The following EXOC6 variants were observed in gnomAD, a reference collection of about 807,000 sequenced individuals.
The protein encoded by EXOC6 is SEC15-like 1.
A neutral mutation model predicts 112.5 loss-of-function variants in EXOC6; 60 were observed. The observed-to-expected ratio is 0.53, with a 90% CI of 0.43 to 0.66. EXOC6 has a LOEUF of 0.66. Among genes scored for constraint, EXOC6 ranks in the 30% least tolerant of loss-of-function variants. The pLI, the probability that EXOC6 is intolerant of heterozygous loss-of-function variation, is 0.00. For synonymous variants in EXOC6, 295 were observed against 308.0 expected, an observed-to-expected ratio of 0.96 and a Z score of 0.44; for missense variants, 855 against 957.1, an observed-to-expected ratio of 0.89 and a Z score of 1.41.
intron 1 of EXOC6, among the ~76,000 whole-genome samples, chr10:92,884,447 C>G (rs1188023851): frequency 6.6e-6 from 1 of 152,296 alleles, no homozygotes; most frequent in East Asian, 1.9e-4. Flanking sequence ...GGTACTTTCT[C>G]AAATTATACA....
In EXOC6 at chr10:92,961,198, C is replaced by T. The variant is rs531492984; in HGVS notation, c.1773+5484C>T. Among the ~76,000 whole-genome samples the T allele has an allele frequency of 1.6e-4, 25 of 152,198 alleles. No homozygotes were observed. In the South Asian group the frequency reaches 4.6e-3, roughly 28 times the overall value. On this transcript the variant is annotated intron_variant, in intron 17 of 21. Coordinates refer to ENST00000260762, the MANE Select transcript of EXOC6 (RefSeq NM_019053.6). The stretch of plus-strand genomic sequence containing the variant: ...CTTTGTGAAGGTACTTGCAAAATTA[C>T]GCCTTGACTGATTAATTGCATGTCA...
chr10:93,024,196 GAGA>G (rs1349484549), intron 20 of EXOC6, among the ~76,000 whole-genome samples: 1 of 152,118 alleles, frequency 6.6e-6, no homozygotes, highest in Non-Finnish European at 1.5e-5. Context: ...AGAAAATATG[GAGA>G]AGTTTAGGTA....
At chr10:92,958,299 C>T (rs1259776365) in intron 17 of EXOC6, among the ~76,000 whole-genome samples, 4 of 152,156 alleles carry the variant, frequency 2.6e-5, no homozygotes, top group South Asian at 2.1e-4. Flanking sequence ...AAATACCATT[C>T]CCTTTCTAAC....
intron 9 of EXOC6, among the ~76,000 whole-genome samples, chr10:92,929,881 G>T (rs529923790): frequency 8.5e-5 from 13 of 152,298 alleles, no homozygotes; most frequent in African/African-American, 3.1e-4. Context: ...TCAGAAAGAG[G>T]ATAGAGCAAA....
At chr10:92,884,512 G>T (rs745410264) in intron 1 of EXOC6, among the ~76,000 whole-genome samples, 3 of 152,148 alleles carry the variant, frequency 2.0e-5, no homozygotes, top group Admixed American at 6.5e-5. Context: ...ACCAGTATAT[G>T]TATTCTGTTA....
chr10:92,995,221 G>A (rs1295337975), intron 18 of EXOC6, among the ~76,000 whole-genome samples: 1 of 151,994 alleles, frequency 6.6e-6, no homozygotes, highest in Non-Finnish European at 1.5e-5. Context: ...GTATGTATGT[G>A]TGCATGTGTG....
intron 9 of EXOC6, among the ~76,000 whole-genome samples, chr10:92,930,257 C>G (rs1170444645): frequency 6.6e-6 from 1 of 152,052 alleles, no homozygotes; most frequent in African/African-American, 2.4e-5. Flanking sequence ...AATCCCAGCG[C>G]TTTGGGAGGC....
intron 20 of EXOC6, among the ~76,000 whole-genome samples, chr10:93,025,637 T>C (rs1228054556): frequency 2.0e-5 from 3 of 152,202 alleles, no homozygotes; most frequent in Non-Finnish European, 2.9e-5. Context: ...TTGGGCAAAC[T>C]AGAGAAAAGA....
chr10:92,829,614 T>C (rs1846441261), intron 1 of EXOC6, among the ~76,000 whole-genome samples: 1 of 152,162 alleles, frequency 6.6e-6, no homozygotes, highest in Non-Finnish European at 1.5e-5. Flanking sequence ...ATGAAACACA[T>C]GAACATGTCA....
At chr10:93,019,321 ATTCT>A (rs776600196) in intron 20 of EXOC6, among the ~76,000 whole-genome samples, 14 of 152,214 alleles carry the variant, frequency 9.2e-5, no homozygotes, top group Non-Finnish European at 1.8e-4. Context: ...AACATTGCTG[ATTCT>A]TTCTATGTTT....
chr10:92,836,094 A>T (rs1381420683), intron 1 of EXOC6, among the ~76,000 whole-genome samples: 1 of 152,190 alleles, frequency 6.6e-6, no homozygotes, highest in East Asian at 1.9e-4. Flanking sequence ...GCTAAGTCTA[A>T]GTGGAAACAA....
At chr10:92,974,777 G>A (rs1466031456) in intron 18 of EXOC6, among the ~76,000 whole-genome samples, 5 of 152,152 alleles carry the variant, frequency 3.3e-5, no homozygotes, top group African/African-American at 9.7e-5. Context: ...TGTGTTGGCC[G>A]GGCTGGTCTC....
chr10:92,896,083 GTATA>G (rs200260390), intron 4 of EXOC6, among the ~76,000 whole-genome samples: 2 of 92,462 alleles, frequency 2.2e-5, no homozygotes, highest in East Asian at 3.5e-4. Flanking sequence ...ATATATATGT[GTATA>G]TATATATGTG....
intron 4 of EXOC6, among the ~76,000 whole-genome samples, 187 bp from the exon 5 acceptor site, chr10:92,899,412 A>G (rs1850031440): frequency 1.3e-5 from 2 of 152,164 alleles, no homozygotes; most frequent in Non-Finnish European, 1.5e-5. Flanking sequence ...AATGTTCAGT[A>G]TATAAGGAAA....
At chr10:92,924,519 A>T (rs1851603983) in intron 8 of EXOC6, among the ~76,000 whole-genome samples, 2 of 152,184 alleles carry the variant, frequency 1.3e-5, no homozygotes, top group Admixed American at 1.3e-4. Flanking sequence ...TTTCTACTTC[A>T]TATTTAAAGT....
intron 18 of EXOC6, among the ~76,000 whole-genome samples, chr10:92,990,466 C>T (rs1386234266): frequency 6.6e-6 from 1 of 152,144 alleles, no homozygotes; most frequent in Non-Finnish European, 1.5e-5. Flanking sequence ...AAGGAAACAA[C>T]ACGAGAGTTT....
intron 20 of EXOC6, among the ~76,000 whole-genome samples, chr10:93,015,285 C>T (rs1457182352): frequency 1.3e-5 from 2 of 152,182 alleles, no homozygotes; most frequent in Non-Finnish European, 2.9e-5. Context: ...ATAGATAATT[C>T]CAACCCACTG....
At chr10:92,852,759 T>G (rs1469070242) in intron 1 of EXOC6, among the ~76,000 whole-genome samples, 3 of 152,112 alleles carry the variant, frequency 2.0e-5, no homozygotes, top group Non-Finnish European at 4.4e-5. Flanking sequence ...GTAATGGAAA[T>G]TCCTCAGCTT....
At position 92,875,690 on chromosome 10, in the gene EXOC6, A is replaced by G. The variant is rs574202787; in HGVS notation, c.102-17659A>G. 2.0e-4 allele frequency among the ~76,000 whole-genome samples: 31 copies of G among 152,256 alleles called. 1 individual carries two copies. In the South Asian group the frequency reaches 6.4e-3, roughly 31 times the overall value. On this transcript the variant is annotated intron_variant, in intron 1 of 21. Transcript: ENST00000260762. ...GCAGAAAAAAATCACTTTTATTCCC[A>G]CTAAAGGATAATCATTGTTGACATT...
Sources: gnomAD v4.1 joint callset for allele counts (sites outside exome capture counted in the v4.1 genomes callset) on GRCh38, gnomAD v4.1.1 for gene constraint, MANE v1.5 for transcripts, NCBI Gene and HGNC (gene_info 2026-07-23, HGNC 2026-07-21) for gene names.